ASIC2: variants seen among roughly 807,000 people sequenced by gnomAD.
ASIC2 encodes acid-sensing ion channel 2.
A neutral mutation model predicts 57.3 loss-of-function variants in ASIC2; 25 were observed. That is an observed-to-expected ratio of 0.44 (90% CI 0.32 to 0.61). ASIC2 has a LOEUF of 0.61. Among genes scored for constraint, ASIC2 ranks in the 20% least tolerant of loss-of-function variants. The probability of loss-of-function intolerance (pLI) is 0.06; values close to 1 mark genes in which losing one functional copy is unlikely to be tolerated. For missense variants in ASIC2, 641 were observed against 738.1 expected (o/e 0.87, Z 1.52); for synonymous variants, 319 against 307.5 (o/e 1.04, Z -0.39).
chr17:33,537,071 G>C (rs184664281), intron 1 of ASIC2, among the ~76,000 whole-genome samples: 97 of 152,278 alleles, frequency 6.4e-4, no homozygotes, highest in Non-Finnish European at 1.2e-3. Flanking sequence ...ACCTCTCTGG[G>C]CCTTCCCATT....
intron 1 of ASIC2, among the ~76,000 whole-genome samples, chr17:33,202,209 G>A (rs979351569): frequency 6.6e-6 from 1 of 152,090 alleles, no homozygotes; most frequent in East Asian, 1.9e-4. Context: ...AAACACCAAC[G>A]ATGCGGATGG....
intron 1 of ASIC2, chr17:34,051,857 A>ATACC (rs1908573219): frequency 2.8e-5 from 2 of 70,256 alleles, no homozygotes; most frequent in African/African-American, 1.6e-4. Flanking sequence ...ATACACACAC[A>ATACC]CAGAGAGAGA....
chr17:33,543,661 G>A (rs1011975216), intron 1 of ASIC2, among the ~76,000 whole-genome samples: 1 of 152,134 alleles, frequency 6.6e-6, no homozygotes, highest in African/African-American at 2.4e-5. Flanking sequence ...TCTTTGTCAA[G>A]TTCCCCAAGT....
chr17:33,285,763 G>A (rs1011143255), intron 1 of ASIC2, among the ~76,000 whole-genome samples: 2 of 152,210 alleles, frequency 1.3e-5, no homozygotes, highest in African/African-American at 4.8e-5. Context: ...GATTACAGAT[G>A]CTCCCAGCAC....
chr17:33,969,901 G>A (rs1230863244), intron 1 of ASIC2, among the ~76,000 whole-genome samples: 2 of 152,120 alleles, frequency 1.3e-5, no homozygotes, highest in Admixed American at 6.5e-5. Context: ...CCTCCGATAT[G>A]TAACTTTCCA....
chr17:33,738,980 C>A (rs1018537494), intron 1 of ASIC2, among the ~76,000 whole-genome samples: 2 of 152,164 alleles, frequency 1.3e-5, no homozygotes, highest in Non-Finnish European at 2.9e-5. Flanking sequence ...TATTTAACCA[C>A]GATGATTCTT....
chr17:33,672,808 T>A (rs1229964388), intron 1 of ASIC2, among the ~76,000 whole-genome samples: 3 of 152,168 alleles, frequency 2.0e-5, no homozygotes, highest in Non-Finnish European at 2.9e-5. Flanking sequence ...GGCGTTGAGA[T>A]GAGACGCCTG....
intron 1 of ASIC2, among the ~76,000 whole-genome samples, chr17:33,574,518 A>G (rs772066193): frequency 2.6e-5 from 4 of 152,168 alleles, no homozygotes; most frequent in Admixed American, 6.6e-5. Flanking sequence ...GGATCTTACT[A>G]GCATCCCTGG....
At chr17:34,032,434 C>T (rs1270040055) in intron 1 of ASIC2, among the ~76,000 whole-genome samples, 1 of 152,152 alleles carries the variant, frequency 6.6e-6, no homozygotes, top group Non-Finnish European at 1.5e-5. Context: ...ACCATCAAGG[C>T]TAGGAAGAAA....
At chr17:33,572,429 G>A (rs887011041) in intron 1 of ASIC2, 4 of 152,246 alleles carry the variant, frequency 2.6e-5, no homozygotes, top group African/African-American at 9.7e-5. Flanking sequence ...GCTTCCATGT[G>A]AGGCCGGGTT....
intron 1 of ASIC2, among the ~76,000 whole-genome samples, chr17:33,871,999 C>T (rs1200541678): frequency 2.0e-5 from 3 of 152,072 alleles, no homozygotes; most frequent in African/African-American, 7.2e-5. Flanking sequence ...TTCTTGAGAT[C>T]CCTCTCTCCT....
intron 1 of ASIC2, among the ~76,000 whole-genome samples, chr17:34,064,689 AC>A (rs1258135973): frequency 6.6e-6 from 1 of 152,184 alleles, no homozygotes; most frequent in African/African-American, 2.4e-5. Flanking sequence ...TAAGAAAAAA[AC>A]AAACAATCCC....
intron 1 of ASIC2, among the ~76,000 whole-genome samples, chr17:33,940,625 A>G (rs1379694551): frequency 1.3e-5 from 2 of 152,178 alleles, no homozygotes; most frequent in Non-Finnish European, 2.9e-5. Context: ...CTGGAGATAA[A>G]ACAGTTGACA....
chr17:33,143,129 T>A (rs1904395600), intron 1 of ASIC2, among the ~76,000 whole-genome samples: 1 of 152,202 alleles, frequency 6.6e-6, no homozygotes, highest in Non-Finnish European at 1.5e-5. Flanking sequence ...CTGATGCTAG[T>A]CAATAATTGA....
intron 1 of ASIC2, chr17:33,680,986 T>A (rs1354647009): frequency 6.6e-6 from 1 of 152,230 alleles, no homozygotes; most frequent in East Asian, 1.9e-4. Flanking sequence ...GGCAACTGGT[T>A]TGTGAAGTGC....
At chr17:34,038,235 A>C (rs2142043244) in intron 1 of ASIC2, 1 of 1,611,474 alleles carries the variant, frequency 6.2e-7, no homozygotes, top group Non-Finnish European at 8.5e-7. Flanking sequence ...ATGATAATGG[A>C]CCGGGCCTCT....
chr17:34,076,624 C>A (rs995923878), intron 1 of ASIC2, among the ~76,000 whole-genome samples: 3 of 152,166 alleles, frequency 2.0e-5, no homozygotes, highest in Non-Finnish European at 4.4e-5. Flanking sequence ...TTTGAGGGCT[C>A]TCATTGTTCA....
At chr17:33,464,871 C>A (rs1425406300) in intron 1 of ASIC2, among the ~76,000 whole-genome samples, 1 of 151,912 alleles carries the variant, frequency 6.6e-6, no homozygotes, top group East Asian at 1.9e-4. Flanking sequence ...TCATAGGAGT[C>A]CTTGACTCAG....
At chr17:33,514,059 T>A (rs1914499724) in intron 1 of ASIC2, among the ~76,000 whole-genome samples, 1 of 152,220 alleles carries the variant, frequency 6.6e-6, no homozygotes, top group African/African-American at 2.4e-5. Context: ...TGGGTAGACA[T>A]CACTCCCATT....
Sources: allele counts gnomAD v4.1 joint callset (sites outside exome capture counted in the v4.1 genomes callset), GRCh38; gene constraint gnomAD v4.1.1; transcripts MANE v1.5; gene names NCBI Gene and HGNC (gene_info 2026-07-23, HGNC 2026-07-21).